ATXN7L1: variants seen among roughly 807,000 people sequenced by gnomAD.
ATXN7L1 encodes the protein ataxin 7 like 1.
A neutral mutation model predicts 70.8 loss-of-function variants in ATXN7L1; 15 were observed. The observed-to-expected ratio is 0.21, with a 90% CI of 0.14 to 0.33. ATXN7L1 has a LOEUF of 0.33. ATXN7L1 is among the 10% of genes least tolerant of loss of function. The probability of loss-of-function intolerance (pLI) is 1.00; values close to 1 mark genes in which losing one functional copy is unlikely to be tolerated. For missense variants in ATXN7L1, 975 were observed against 1,097.1 expected, an observed-to-expected ratio of 0.89 and a Z score of 1.57; for synonymous variants, 440 against 445.1, an observed-to-expected ratio of 0.99 and a Z score of 0.14.
intron 2 of ATXN7L1, among the ~76,000 whole-genome samples, chr7:105,868,305 C>T (rs1179463208): frequency 2.0e-5 from 3 of 152,202 alleles, no homozygotes. Flanking sequence ...AGGCTGGAAG[C>T]ACCCTGAGGG....
intron 3 of ATXN7L1, among the ~76,000 whole-genome samples, chr7:105,666,899 G>A (rs367682902): frequency 6.6e-5 from 10 of 152,172 alleles, no homozygotes; most frequent in African/African-American, 2.4e-4. Context: ...TAGGCTCGTG[G>A]CCTTCAGTTT....
intron 2 of ATXN7L1, among the ~76,000 whole-genome samples, chr7:105,793,960 C>T (rs1437738563): frequency 6.6e-6 from 1 of 150,778 alleles, no homozygotes; most frequent in African/African-American, 2.4e-5. Context: ...TCCATCTTTC[C>T]ATCCACCCAC....
At chr7:105,784,611 C>T (rs1296901248) in intron 3 of ATXN7L1, among the ~76,000 whole-genome samples, 1 of 152,086 alleles carries the variant, frequency 6.6e-6, no homozygotes, top group Non-Finnish European at 1.5e-5. Flanking sequence ...GCACGAAGAA[C>T]TGCATCCAGC....
At chr7:105,688,213 CTGATATCAATTCCTG>C (rs1403870517) in intron 3 of ATXN7L1, among the ~76,000 whole-genome samples, 2 of 152,154 alleles carry the variant, frequency 1.3e-5, no homozygotes, top group Non-Finnish European at 2.9e-5. Flanking sequence ...ATACCCTACC[CTGATATCAATTCCTG>C]TACTTCGCCT....
chr7:105,855,791 C>G (rs1279985017), intron 2 of ATXN7L1, among the ~76,000 whole-genome samples: 1 of 152,152 alleles, frequency 6.6e-6, no homozygotes, highest in East Asian at 1.9e-4. Flanking sequence ...TCATTATCCC[C>G]TAAACAATTC....
At chr7:105,710,313 C>A (rs981572273) in intron 3 of ATXN7L1, among the ~76,000 whole-genome samples, 7 of 151,016 alleles carry the variant, frequency 4.6e-5, no homozygotes, top group Non-Finnish European at 7.4e-5. Flanking sequence ...AGGAAACTTA[C>A]AATCATGGTA....
At chr7:105,786,495 G>T (rs1051151260) in intron 3 of ATXN7L1, among the ~76,000 whole-genome samples, 2 of 152,170 alleles carry the variant, frequency 1.3e-5, no homozygotes, top group African/African-American at 4.8e-5. Context: ...AGCTCTCAGT[G>T]AAGATTTTTT....
At chr7:105,727,363 G>A (rs74703997) in intron 3 of ATXN7L1, among the ~76,000 whole-genome samples, 2 of 152,080 alleles carry the variant, frequency 1.3e-5, no homozygotes, top group East Asian at 3.9e-4. Context: ...ATATGGTACC[G>A]TTTATGTTGA....
chr7:105,872,621 C>T (rs189090043), intron 2 of ATXN7L1, among the ~76,000 whole-genome samples: 1 of 152,158 alleles, frequency 6.6e-6, no homozygotes, highest in East Asian at 1.9e-4. Flanking sequence ...TAGGCAACTT[C>T]ATAGAGACAG....
rs545343508 is a variant in ATXN7L1 at position 105,718,154 on chromosome 7, T to C, written c.356-52866A>G. On this transcript the variant is annotated intron_variant, in intron 3 of 11. Coordinates refer to ENST00000419735, the MANE Select transcript of ATXN7L1 (RefSeq NM_020725.2). ...AGCAACAATAAGAAAACACCACCCA[T>C]ACAAATCATGATAGAGCGGCACCTT... Among the ~76,000 whole-genome samples the C allele has an allele frequency of 2.6e-5, 4 of 152,130 alleles. No homozygotes were observed. The South Asian group carries it at 8.3e-4, about 32-fold the overall frequency.
intron 2 of ATXN7L1, among the ~76,000 whole-genome samples, chr7:105,808,208 T>C (rs1585052127): frequency 6.6e-6 from 1 of 152,184 alleles, no homozygotes; most frequent in African/African-American, 2.4e-5. Context: ...AAGGTGACAG[T>C]GGCATGCTTT....
chr7:105,689,472 A>AAG (rs1357269703), intron 3 of ATXN7L1, among the ~76,000 whole-genome samples: 1 of 152,116 alleles, frequency 6.6e-6, no homozygotes, highest in African/African-American at 2.4e-5. Flanking sequence ...CTCCAACATA[A>AAG]AGGCCTATAG....
At chr7:105,775,320 A>C (rs566834659) in intron 3 of ATXN7L1, among the ~76,000 whole-genome samples, 113 of 152,332 alleles carry the variant, frequency 7.4e-4, no homozygotes, top group African/African-American at 2.6e-3. Context: ...ACCCAGAAAG[A>C]AAGCCTGGCA....
Position 105,614,961 on chromosome 7 carries a change from G to C in ATXN7L1, c.1518-145C>G. 1.0e-6 allele frequency: 1 copy of C among 1,001,624 alleles called. No homozygotes were observed. The highest frequency in any genetic ancestry group is 1.4e-6 in the Non-Finnish European group (1 of 709,020). The allele number at this position is 1,001,624 out of a possible 1,614,324, so 62.0% of individuals were successfully genotyped here. On this transcript the variant is annotated intron_variant, in intron 9 of 11. Transcript: ENST00000419735. This position sits in a 1 kb window ranked among gnomAD's most constrained non-coding sequence, Gnocchi z 4.3. ...GAGAATGGAGCCTTGAAGGATGGGA[G>C]AATCTGAAGCATGGCCCCTCCTTAT...
At chr7:105,685,164 G>A (rs1340272392) in intron 3 of ATXN7L1, among the ~76,000 whole-genome samples, 1 of 152,024 alleles carries the variant, frequency 6.6e-6, no homozygotes, top group Non-Finnish European at 1.5e-5. Context: ...GTAATCTATA[G>A]AAGGAGCACT....
At chr7:105,803,976 G>A (rs1207447527) in intron 2 of ATXN7L1, among the ~76,000 whole-genome samples, 1 of 152,142 alleles carries the variant, frequency 6.6e-6, no homozygotes, top group Admixed American at 6.5e-5. Flanking sequence ...TGAGAGCTGT[G>A]TTCAATAGGG....
intron 3 of ATXN7L1, among the ~76,000 whole-genome samples, chr7:105,736,779 G>C (rs895038127): frequency 6.6e-6 from 1 of 152,234 alleles, no homozygotes; most frequent in African/African-American, 2.4e-5. Flanking sequence ...GTGGGGGCTG[G>C]TGCTGCCCAG....
chr7:105,756,390 G>A (rs1465307922), intron 3 of ATXN7L1, among the ~76,000 whole-genome samples: 2 of 152,114 alleles, frequency 1.3e-5, no homozygotes, highest in Non-Finnish European at 2.9e-5. Flanking sequence ...TGTGATTTAT[G>A]AAAAAGAAAT....
chr7:105,686,850 C>T (rs1806245444), intron 3 of ATXN7L1, among the ~76,000 whole-genome samples: 1 of 152,136 alleles, frequency 6.6e-6, no homozygotes, highest in African/African-American at 2.4e-5. Flanking sequence ...TAATTGTTGG[C>T]AAGACACTGA....
Sources: gnomAD v4.1 joint callset for allele counts (sites outside exome capture counted in the v4.1 genomes callset) on GRCh38, gnomAD v4.1.1 for gene constraint, Gnocchi (gnomAD v3.1) non-coding constraint, MANE v1.5 for transcripts, NCBI Gene and HGNC (gene_info 2026-07-23, HGNC 2026-07-21) for gene names.